Variants in PIK3CA observed in about 807,000 individuals in gnomAD.
PIK3CA encodes phosphatidylinositol 4,5-bisphosphate 3-kinase catalytic subunit alpha isoform.
PIK3CA carries 27 observed loss-of-function variants against 138.2 expected under a neutral mutation model. The observed-to-expected ratio is 0.20, with a 90% CI of 0.14 to 0.27. The LOEUF is 0.27. PIK3CA is among the 10% of genes least tolerant of loss of function. The pLI, the probability that PIK3CA is intolerant of heterozygous loss-of-function variation, is 1.00. For synonymous variants in PIK3CA, 358 were observed against 413.2 expected (o/e 0.87, Z 1.62); for missense variants, 544 against 1,277.4 (o/e 0.43, Z 8.75).
At position 179,219,940 on chromosome 3, in the gene PIK3CA, A is replaced by C. The variant is rs1449469209; in HGVS notation, c.1912-9A>C. 6.2e-7 allele frequency: 1 copy of C among 1,605,692 alleles called. No homozygotes were observed. The highest frequency in any genetic ancestry group is 1.1e-5 in the South Asian group (1 of 88,636). On this transcript the variant is annotated splice_polypyrimidine_tract_variant and intron_variant, in intron 12 of 20. Transcript: ENST00000263967. This position sits in a 1 kb window ranked among gnomAD's most constrained non-coding sequence, Gnocchi z 4.2. ...ACTGACCCTGATTTGTTTTTTTGGA[A>C]TCACCTAGGTCCTAAAATATGAACA...
intron 1 of PIK3CA, among the ~76,000 whole-genome samples, chr3:179,178,121 T>A (rs368620232): frequency 7.0e-5 from 4 of 57,340 alleles, no homozygotes; most frequent in South Asian, 7.6e-4. Context: ...TTTTTTGTGT[T>A]TTTTTTTTTT....
Position 179,235,797 on chromosome 3 carries a change from A to C in PIK3CA, c.*1433A>C, listed in dbSNP as rs1725322294. ...TCTCATTCCCAAGTAGTCAGAGCTC[A>C]CTCTCCAACTTTATTAAATACTATT... On this transcript the variant is annotated 3_prime_UTR_variant, in exon 21 of 21. Coordinates refer to ENST00000263967, the MANE Select transcript of PIK3CA (RefSeq NM_006218.4). 1 of 213,678 alleles carries C rather than the reference A, an allele frequency of 4.7e-6. No homozygotes were observed. The highest frequency in any genetic ancestry group is 2.3e-5 in the African/African-American group (1 of 44,336). 13.2% of individuals were successfully genotyped at this position (213,678 alleles called of 1,614,324 possible). A position where few individuals can be genotyped will look rare whatever the true frequency, so the allele number is the denominator to read the frequency against.
Position 179,235,641 on chromosome 3 carries a change from A to C in PIK3CA, c.*1277A>C, listed in dbSNP as rs181478915. 5 of 207,364 alleles carry C rather than the reference A, an allele frequency of 2.4e-5. No homozygotes were observed. Among genetic ancestry groups the C allele is most frequent in the African/African-American group, 1.1e-4 (5 of 44,040 alleles). 12.8% of individuals were successfully genotyped at this position (207,364 alleles called of 1,614,324 possible). A position where few individuals can be genotyped will look rare whatever the true frequency, so the allele number is the denominator to read the frequency against. On this transcript the variant is annotated 3_prime_UTR_variant, in exon 21 of 21. Coordinates refer to ENST00000263967, the MANE Select transcript of PIK3CA (RefSeq NM_006218.4). ...ATTTAGACTATCTTCCTGATTCCTT[A>C]AACCCCTTTACTGAAGTATACTCAT... is the stretch of plus-strand genomic sequence containing the variant.
chr3:179,232,228 A>G (rs1276181573), intron 20 of PIK3CA, among the ~76,000 whole-genome samples: 2 of 151,998 alleles, frequency 1.3e-5, no homozygotes, highest in African/African-American at 4.8e-5. Flanking sequence ...ATCTTCTAGA[A>G]TTTTTATGGT....
chr3:179,211,945 C>G (rs1192502757), intron 9 of PIK3CA, among the ~76,000 whole-genome samples: 1 of 152,174 alleles, frequency 6.6e-6, no homozygotes, highest in African/African-American at 2.4e-5. Flanking sequence ...TTGAGGTCTG[C>G]AGCTGCAGTT....
At chr3:179,190,685 G>A (rs770573404) in intron 1 of PIK3CA, among the ~76,000 whole-genome samples, 5 of 151,868 alleles carry the variant, frequency 3.3e-5, no homozygotes, top group Non-Finnish European at 5.9e-5. Flanking sequence ...TGAAAGAACC[G>A]TCTCTGTCTC....
rs1176030098 is a variant in PIK3CA, at chr3:179,234,468, A to T, written c.*104A>T. On this transcript the variant is annotated 3_prime_UTR_variant, in exon 21 of 21. Transcript: ENST00000263967. This position sits in a 1 kb window ranked among gnomAD's most constrained non-coding sequence, Gnocchi z 5.1. ...TGCATAGGAATTGCACAATCCATGA[A>T]CAGCATTAGAATTTACAGCAAGAAC... is the stretch of plus-strand genomic sequence containing the variant. 1.2e-6 allele frequency: 1 copy of T among 846,366 alleles called. No homozygotes were observed. Among genetic ancestry groups the T allele is most frequent in the Admixed American group, 2.5e-5 (1 of 40,002 alleles). The allele number at this position is 846,366 out of a possible 1,614,324, so 52.4% of individuals were successfully genotyped here. A position where few individuals can be genotyped will look rare whatever the true frequency, so the allele number is the denominator to read the frequency against.
At chr3:179,171,654 T>G (rs1213437692) in intron 1 of PIK3CA, among the ~76,000 whole-genome samples, 2 of 152,092 alleles carry the variant, frequency 1.3e-5, no homozygotes, top group African/African-American at 4.8e-5. Flanking sequence ...ATGAACAAAT[T>G]CTTTGAAAGA....
Position 179,224,784 on chromosome 3 carries a change from G to A in PIK3CA, c.2379G>A (p.Leu793=), listed in dbSNP as rs1725045488. The change falls in exon 16 of 21, where the codon CTG becomes CTA. Residue 793 remains leucine, a synonymous_variant. Coordinates refer to ENST00000263967, the MANE Select transcript of PIK3CA (RefSeq NM_006218.4). ...ACCCAGACATCATGTCAGAGTTACT[G>A]TTTCAGAACAATGAGATCATCTTTA... ...WENPDIMSEL[L]FQNNEIIFKN... The A allele has an allele frequency of 6.2e-7, 1 of 1,606,960 alleles. No homozygotes were observed. The highest frequency in any genetic ancestry group is 8.5e-7 in the Non-Finnish European group (1 of 1,174,036).
intron 4 of PIK3CA, 68 bp from the exon 5 acceptor site, chr3:179,203,476 A>G (rs1297230683): frequency 6.9e-7 from 1 of 1,458,324 alleles, no homozygotes. Flanking sequence ...TAGTCATAAT[A>G]CTCTGACATG....
At chr3:179,226,478 A>G (rs1350318340) in intron 17 of PIK3CA, among the ~76,000 whole-genome samples, 1 of 152,044 alleles carries the variant, frequency 6.6e-6, no homozygotes, top group African/African-American at 2.4e-5. Context: ...TTTCTACCCA[A>G]CTTTCCACAA....
rs761756151 is a variant in PIK3CA, at chr3:179,221,187, CTT to C, written c.2187+33_2187+34del. 61 of 1,553,976 alleles carry C rather than the reference CTT, an allele frequency of 3.9e-5. 1 individual carries two copies. The South Asian group carries it at 4.9e-4, about 13-fold the overall frequency. ...GTGACTCTAGTTTGTGTTTGAGACT[CTT>C]TTCACTGCAGTGGGGCAGAGTTGTT... On this transcript the variant is annotated intron_variant, in intron 14 of 20. Coordinates refer to ENST00000263967, the MANE Select transcript of PIK3CA (RefSeq NM_006218.4).
chr3:179,188,314 C>T (rs1724043336), intron 1 of PIK3CA, among the ~76,000 whole-genome samples: 2 of 152,302 alleles, frequency 1.3e-5, no homozygotes, highest in South Asian at 2.1e-4. Context: ...TTGTCCTTTT[C>T]TTTGGCCAGG....
intron 1 of PIK3CA, among the ~76,000 whole-genome samples, chr3:179,193,576 A>G (rs1435708293): frequency 6.6e-6 from 1 of 152,250 alleles, no homozygotes; most frequent in African/African-American, 2.4e-5. Context: ...TTAATATAAC[A>G]CAGTAATTGG....
At chr3:179,208,389 A>G (rs114019390) in intron 6 of PIK3CA, among the ~76,000 whole-genome samples, 1 of 152,282 alleles carries the variant, frequency 6.6e-6, no homozygotes, top group Non-Finnish European at 1.5e-5. Flanking sequence ...TCATGGGACA[A>G]TTGCTATTCT....
chr3:179,176,565 C>CT (rs11462522), intron 1 of PIK3CA, among the ~76,000 whole-genome samples: 37,193 of 152,028 alleles, frequency 0.24, 5,600 homozygotes, highest in African/African-American at 0.42. Flanking sequence ...TATTCTACCC[C>CT]TTTTTTATAA....
chr3:179,160,486 G>A (rs958779746), intron 1 of PIK3CA, among the ~76,000 whole-genome samples: 1 of 152,172 alleles, frequency 6.6e-6, no homozygotes, highest in Non-Finnish European at 1.5e-5. Context: ...CCCAACCAAA[G>A]AAACAGCAGT....
chr3:179,216,440 T>C (rs1724838348), intron 9 of PIK3CA, among the ~76,000 whole-genome samples: 1 of 152,138 alleles, frequency 6.6e-6, no homozygotes. Flanking sequence ...AAAATTTACC[T>C]GATACACTTT....
chr3:179,157,555 A>C (rs1723168916), intron 1 of PIK3CA, among the ~76,000 whole-genome samples: 1 of 152,144 alleles, frequency 6.6e-6, no homozygotes, highest in Non-Finnish European at 1.5e-5. Context: ...AGCACAGTTA[A>C]ATGTATCATG....
Sources: allele counts gnomAD v4.1 joint callset (sites outside exome capture counted in the v4.1 genomes callset), GRCh38; gene constraint gnomAD v4.1.1; non-coding constraint Gnocchi (gnomAD v3.1); transcripts MANE v1.5; gene names NCBI Gene and HGNC (gene_info 2026-07-23, HGNC 2026-07-21).